LRRTM4: variants seen among roughly 807,000 people sequenced by gnomAD.
LRRTM4 encodes the protein leucine rich repeat transmembrane neuronal 4.
In LRRTM4, 25 loss-of-function variants were observed where a neutral mutation model predicts 47.6. The observed-to-expected ratio is 0.53, with a 90% CI of 0.38 to 0.73. The LOEUF is 0.73. Among genes scored for constraint, LRRTM4 ranks in the 30% least tolerant of loss-of-function variants. LRRTM4 has a pLI of 0.00. For missense variants in LRRTM4, 638 were observed against 713.4 expected (o/e 0.89, Z 1.20); for synonymous variants, 311 against 269.5 (o/e 1.15, Z -1.51).
intron 3 of LRRTM4, among the ~76,000 whole-genome samples, chr2:77,511,644 G>A (rs1360927949): frequency 2.6e-5 from 4 of 151,742 alleles, no homozygotes; most frequent in Admixed American, 6.6e-5. Context: ...ATTATTGTTT[G>A]TACATGGAAA....
At chr2:76,994,080 TC>T (rs1201376154) in intron 3 of LRRTM4, among the ~76,000 whole-genome samples, 7 of 151,670 alleles carry the variant, frequency 4.6e-5, no homozygotes, top group Non-Finnish European at 8.8e-5. Flanking sequence ...CATACCAATG[TC>T]CACGGCAACA....
rs144267366 is a variant in LRRTM4, at chr2:76,937,313, T to G, written c.1552-188397A>C. 1.4e-3 allele frequency among the ~76,000 whole-genome samples: 211 copies of G among 152,220 alleles called. 1 individual carries two copies. The highest frequency in any genetic ancestry group is 4.9e-3 in the African/African-American group (204 of 41,556). ...CCAAAATCTCAATGTTTAGCCATAA[T>G]CAGATATGGAGGAAAAATGGGGGTT... On this transcript the variant is annotated intron_variant, in intron 3 of 3. Transcript: ENST00000409884.
chr2:77,434,015 C>A (rs145748058), intron 3 of LRRTM4, among the ~76,000 whole-genome samples: 2 of 152,158 alleles, frequency 1.3e-5, no homozygotes, highest in Non-Finnish European at 2.9e-5. Flanking sequence ...AAGAACCATG[C>A]GGTTCTAGAC....
chr2:77,303,277 AC>A (rs202173340), intron 3 of LRRTM4, among the ~76,000 whole-genome samples: 2 of 146,138 alleles, frequency 1.4e-5, no homozygotes, highest in African/African-American at 5.4e-5. Context: ...AAACAAACAA[AC>A]AAAAAAAAAT....
At chr2:77,109,520 A>G (rs1671189868) in intron 3 of LRRTM4, among the ~76,000 whole-genome samples, 1 of 152,186 alleles carries the variant, frequency 6.6e-6, no homozygotes, top group African/African-American at 2.4e-5. Context: ...ATTCCTATAA[A>G]GAACAAAGCA....
intron 3 of LRRTM4, among the ~76,000 whole-genome samples, chr2:77,405,079 G>C (rs1382622311): frequency 5.3e-5 from 8 of 151,968 alleles, no homozygotes; most frequent in Admixed American, 5.3e-4. Context: ...TAAATAGCAA[G>C]TGTAAGCCAT....
At chr2:77,062,161 G>T (rs1679807794) in intron 3 of LRRTM4, among the ~76,000 whole-genome samples, 1 of 152,006 alleles carries the variant, frequency 6.6e-6, no homozygotes, top group Non-Finnish European at 1.5e-5. Flanking sequence ...GGGGTGGCAG[G>T]CATAACTTTC....
intron 3 of LRRTM4, among the ~76,000 whole-genome samples, chr2:77,188,813 C>G (rs1052155614): frequency 6.6e-6 from 1 of 152,170 alleles, no homozygotes; most frequent in East Asian, 1.9e-4. Context: ...GTGCTCAAGT[C>G]GGAAGCATGG....
At chr2:77,487,791 A>G (rs567163388) in intron 3 of LRRTM4, among the ~76,000 whole-genome samples, 2 of 152,224 alleles carry the variant, frequency 1.3e-5, no homozygotes, top group Admixed American at 6.5e-5. Flanking sequence ...CCATGGACCA[A>G]TCAGCATGCA....
chr2:77,003,760 C>A (rs1028160909), intron 3 of LRRTM4, among the ~76,000 whole-genome samples: 8 of 152,052 alleles, frequency 5.3e-5, no homozygotes, highest in African/African-American at 1.9e-4. Context: ...GTGGAAGCAA[C>A]TTTGGAACTG....
At chr2:77,100,550 C>T (rs1364247973) in intron 3 of LRRTM4, among the ~76,000 whole-genome samples, 1 of 152,002 alleles carries the variant, frequency 6.6e-6, no homozygotes, top group African/African-American at 2.4e-5. Flanking sequence ...GGACACATAA[C>T]CTGGATTCTT....
intron 3 of LRRTM4, among the ~76,000 whole-genome samples, chr2:76,889,782 A>T (rs1673192075): frequency 6.6e-6 from 1 of 151,824 alleles, no homozygotes; most frequent in Admixed American, 6.6e-5. Context: ...GTTTTTTCAT[A>T]TAGGAGAGGA....
In LRRTM4 at chr2:76,942,543, A is replaced by G. The variant is rs73940208; in HGVS notation, c.1552-193627T>C. Among the ~76,000 whole-genome samples the G allele has an allele frequency of 7.6e-3, 1,144 of 151,358 alleles. 11 individuals are homozygous for G. The highest frequency in any genetic ancestry group is 0.026 in the African/African-American group (1,088 of 41,214). On this transcript the variant is annotated intron_variant, in intron 3 of 3. Coordinates refer to ENST00000409884, the MANE Select transcript of LRRTM4 (RefSeq NM_001134745.3). ...CATTCTCAGAGTTTCAGCCAGATAA[A>G]ATAGAAAATGTATGAATTTTTATTA...
intron 3 of LRRTM4, among the ~76,000 whole-genome samples, chr2:77,341,630 CTA>C (rs983568397): frequency 6.6e-6 from 1 of 152,004 alleles, no homozygotes; most frequent in Non-Finnish European, 1.5e-5. Context: ...GATTCAGTAA[CTA>C]TCTGTTGAAT....
At chr2:76,985,711 T>C (rs1288845560) in intron 3 of LRRTM4, among the ~76,000 whole-genome samples, 2 of 152,040 alleles carry the variant, frequency 1.3e-5, no homozygotes, top group African/African-American at 4.8e-5. Flanking sequence ...TAAAATCTAA[T>C]GCTTTAAAAA....
chr2:76,807,455 T>TACAC (rs1182815891), intron 3 of LRRTM4, among the ~76,000 whole-genome samples: 2 of 102,632 alleles, frequency 1.9e-5, no homozygotes, highest in Admixed American at 1.1e-4. Flanking sequence ...CATATATATA[T>TACAC]ATACATATAT....
chr2:77,088,609 T>C (rs943253324), intron 3 of LRRTM4, among the ~76,000 whole-genome samples: 2 of 152,080 alleles, frequency 1.3e-5, no homozygotes, highest in African/African-American at 4.8e-5. Flanking sequence ...TGCACCCAGG[T>C]GAAATAAACA....
At chr2:77,454,172 T>C (rs1266682342) in intron 3 of LRRTM4, among the ~76,000 whole-genome samples, 2 of 152,198 alleles carry the variant, frequency 1.3e-5, no homozygotes, top group Non-Finnish European at 2.9e-5. Flanking sequence ...AAAGCAGAAA[T>C]TCATGAATTA....
At chr2:77,172,861 C>T (rs1378258619) in intron 3 of LRRTM4, among the ~76,000 whole-genome samples, 5 of 152,102 alleles carry the variant, frequency 3.3e-5, no homozygotes, top group Non-Finnish European at 5.9e-5. Context: ...CCCAAATATC[C>T]GTGGCTTAAC....
Sources: gnomAD v4.1 joint callset for allele counts (sites outside exome capture counted in the v4.1 genomes callset) on GRCh38, gnomAD v4.1.1 for gene constraint, MANE v1.5 for transcripts, NCBI Gene and HGNC (gene_info 2026-07-23, HGNC 2026-07-21) for gene names.